The following ASAP1 variants were observed in gnomAD, a reference collection of about 807,000 sequenced individuals.
The protein encoded by ASAP1 is ArfGAP with SH3 domain, ankyrin repeat and PH domain 1.
ASAP1 carries 43 observed loss-of-function variants against 145.2 expected under a neutral mutation model. The ratio of observed to expected loss-of-function variants is 0.30; its 90% CI spans 0.23 to 0.38. The LOEUF (loss-of-function observed/expected upper bound fraction) is 0.38. Among genes scored for constraint, ASAP1 ranks in the 10% least tolerant of loss-of-function variants. ASAP1 has a pLI of 1.00. For synonymous variants in ASAP1, 546 were observed against 515.5 expected, an observed-to-expected ratio of 1.06 and a Z score of -0.80; for missense variants, 1,018 against 1,355.3, an observed-to-expected ratio of 0.75 and a Z score of 3.91.
At chr8:130,395,402 G>A (rs1297578448) in intron 2 of ASAP1, among the ~76,000 whole-genome samples, 1 of 152,222 alleles carries the variant, frequency 6.6e-6, no homozygotes, top group East Asian at 1.9e-4. Flanking sequence ...ATTAAGATGA[G>A]GTCACATGGG....
At chr8:130,190,332 T>C (rs1045047876) in intron 5 of ASAP1, among the ~76,000 whole-genome samples, 2 of 152,160 alleles carry the variant, frequency 1.3e-5, no homozygotes, top group Non-Finnish European at 2.9e-5. Context: ...TTTTTGTATA[T>C]GGTGAGAGAT....
At chr8:130,055,859 T>C (rs2097402876) in intron 29 of ASAP1, among the ~76,000 whole-genome samples, 1 of 152,240 alleles carries the variant, frequency 6.6e-6, no homozygotes, top group African/African-American at 2.4e-5. Flanking sequence ...TCCTGAAGGC[T>C]TGCCCACCCA....
chr8:130,317,604 C>A (rs143170080), intron 3 of ASAP1, among the ~76,000 whole-genome samples: 31 of 152,332 alleles, frequency 2.0e-4, no homozygotes, highest in Admixed American at 4.6e-4. Flanking sequence ...ATGCTTCCAT[C>A]AGAACCTGTA....
At chr8:130,091,863 G>A (rs887762701) in intron 25 of ASAP1, 110 bp downstream of exon 25, 20 of 1,153,602 alleles carry the variant, frequency 1.7e-5, no homozygotes, top group Non-Finnish European at 2.4e-5. Context: ...CACCCAGCAT[G>A]TGTGTGCATT....
At chr8:130,305,423 C>T (rs141491954) in intron 3 of ASAP1, among the ~76,000 whole-genome samples, 9 of 152,102 alleles carry the variant, frequency 5.9e-5, no homozygotes, top group Non-Finnish European at 1.0e-4. Flanking sequence ...CTCGGCTCAC[C>T]GCAAGCTTCA....
intron 9 of ASAP1, among the ~76,000 whole-genome samples, chr8:130,176,853 GC>G (rs1813991142): frequency 6.6e-6 from 1 of 152,012 alleles, no homozygotes; most frequent in Middle Eastern, 3.2e-3. Context: ...ACCACACCTG[GC>G]TAATTTTGTA....
intron 5 of ASAP1, among the ~76,000 whole-genome samples, chr8:130,196,494 A>T (rs925520458): frequency 1.3e-5 from 2 of 152,216 alleles, no homozygotes; most frequent in Non-Finnish European, 2.9e-5. Flanking sequence ...GTCCTGCTGG[A>T]GCAGCCAACT....
rs548109032 is a variant in ASAP1, at chr8:130,127,815, T to C, written c.1381+112A>G. On this transcript the variant is annotated intron_variant, in intron 16 of 29. Coordinates refer to ENST00000518721, the MANE Select transcript of ASAP1 (RefSeq NM_018482.4). ...ACGTTGGGAATACGTGTTTTGTGTG[T>C]GTATGTGAGTGTGTCCATAGGGGTT... The C allele has an allele frequency of 1.6e-4, 191 of 1,166,596 alleles. 2 individuals are homozygous for C. The highest frequency in any genetic ancestry group is 3.2e-4 in the Admixed American group (12 of 37,168). 72.3% of individuals were successfully genotyped at this position (1,166,596 alleles called of 1,614,324 possible). A position where few individuals can be genotyped will look rare whatever the true frequency, so the allele number is the denominator to read the frequency against.
intron 25 of ASAP1, chr8:130,082,820 AG>A (rs1371259204): frequency 2.6e-5 from 4 of 151,182 alleles, no homozygotes; most frequent in Non-Finnish European, 5.9e-5. Context: ...GGCCTCCCAA[AG>A]TGCTGGGATT....
intron 3 of ASAP1, among the ~76,000 whole-genome samples, chr8:130,337,741 C>G (rs2137873331): frequency 6.6e-6 from 1 of 152,232 alleles, no homozygotes; most frequent in Middle Eastern, 3.4e-3. Context: ...AAGTCTTTTA[C>G]TTTCCTCTCC....
intron 3 of ASAP1, among the ~76,000 whole-genome samples, chr8:130,264,697 C>T (rs1820136633): frequency 6.6e-6 from 1 of 152,196 alleles, no homozygotes; most frequent in African/African-American, 2.4e-5. Context: ...GTTTGCTCCT[C>T]ATCCTCAACC....
At chr8:130,433,426 C>G (rs1299773041) in intron 1 of ASAP1, among the ~76,000 whole-genome samples, 1 of 152,206 alleles carries the variant, frequency 6.6e-6, no homozygotes, top group Non-Finnish European at 1.5e-5. Flanking sequence ...TTTCACAAAG[C>G]TTTCTCTGAC....
At chr8:130,198,368 AGTG>A (rs1282044506) in intron 5 of ASAP1, among the ~76,000 whole-genome samples, 4 of 152,104 alleles carry the variant, frequency 2.6e-5, no homozygotes, top group African/African-American at 9.7e-5. Flanking sequence ...GCTCAGCAGT[AGTG>A]GTGAAAAAAT....
rs774788638 is a variant in ASAP1 at position 130,118,253 on chromosome 8, A to G, written c.1795-7T>C. On this transcript the variant is annotated splice_polypyrimidine_tract_variant and splice_region_variant and intron_variant, in intron 19 of 29. Coordinates refer to ENST00000518721, the MANE Select transcript of ASAP1 (RefSeq NM_018482.4). The stretch of plus-strand genomic sequence containing the variant: ...GGGCTGTCTCCCCAAGCTCCTAAAA[A>G]GGGAAAGAAAAGTATAAGTAAGTCA... 1.2e-6 allele frequency: 2 copies of G among 1,613,388 alleles called. No homozygotes were observed. Among genetic ancestry groups the G allele is most frequent in the East Asian group, 2.2e-5 (1 of 44,866 alleles).
chr8:130,383,624 G>A (rs968949751), intron 2 of ASAP1, among the ~76,000 whole-genome samples: 19 of 152,176 alleles, frequency 1.2e-4, no homozygotes, highest in Non-Finnish European at 2.4e-4. Context: ...ACAGGGATTC[G>A]TGGCTTGTCC....
At chr8:130,335,460 C>T (rs1193270509) in intron 3 of ASAP1, among the ~76,000 whole-genome samples, 1 of 152,208 alleles carries the variant, frequency 6.6e-6, no homozygotes, top group Non-Finnish European at 1.5e-5. Flanking sequence ...CAGATTAAAA[C>T]TTGGTTGGTC....
chr8:130,412,618 G>A (rs934305627), intron 1 of ASAP1, among the ~76,000 whole-genome samples: 5 of 151,810 alleles, frequency 3.3e-5, no homozygotes, highest in South Asian at 2.1e-4. Context: ...GACCTAATAC[G>A]AGTCTAGCAG....
intron 5 of ASAP1, among the ~76,000 whole-genome samples, chr8:130,208,470 T>G (rs182523693): frequency 1.5e-3 from 226 of 152,358 alleles, no homozygotes; most frequent in African/African-American, 5.2e-3. Flanking sequence ...CTTTGTAATT[T>G]TGGATGACTT....
In ASAP1 at chr8:130,107,514, AAATGTATGT is replaced by A. The variant is rs762843402; in HGVS notation, c.2401+4571_2401+4579del. Among the ~76,000 whole-genome samples, 655 of 105,328 alleles carry A rather than the reference AAATGTATGT, an allele frequency of 6.2e-3. 10 individuals carry two copies. The highest frequency in any genetic ancestry group is 0.025 in the African/African-American group (626 of 25,148). The allele number at this position is 105,328 out of a possible 152,430, so 69.1% of individuals were successfully genotyped here. On this transcript the variant is annotated intron_variant, in intron 24 of 29. Transcript: ENST00000518721. ...GTCTCTCTTTTTTTTTTTTTTTAAA[AAATGTATGT>A]ATGTATGTATGTATGTATGTATGTA...
Sources: gnomAD v4.1 joint callset for allele counts (sites outside exome capture counted in the v4.1 genomes callset) on GRCh38, gnomAD v4.1.1 for gene constraint, MANE v1.5 for transcripts, NCBI Gene and HGNC (gene_info 2026-07-23, HGNC 2026-07-21) for gene names.